EZH1: variants seen among roughly 807,000 people sequenced by gnomAD.
EZH1 encodes the protein histone-lysine N-methyltransferase EZH1.
Under a neutral mutation model 100.5 loss-of-function variants are expected in EZH1, and 33 were observed. The observed-to-expected ratio is 0.33, with a 90% CI of 0.25 to 0.44. The LOEUF (loss-of-function observed/expected upper bound fraction) is 0.44, where lower values mean the gene tolerates loss of function less well. Ranked by LOEUF, EZH1 falls within the 20% of genes least tolerant of loss-of-function variation. EZH1 has a pLI of 1.00. For synonymous variants in EZH1, 272 were observed against 313.8 expected, an observed-to-expected ratio of 0.87 and a Z score of 1.41; for missense variants, 475 against 928.4, an observed-to-expected ratio of 0.51 and a Z score of 6.35.
rs887673118 is a variant in EZH1 at position 42,738,528 on chromosome 17, T to A, written c.-103+6483A>T. The stretch of plus-strand genomic sequence containing the variant: ...GAGCCACCGTGCCCAGTCTATTTTT[T>A]TTATTTTTTTTTGAGATGGAGTCTC... On this transcript the variant is annotated intron_variant, in intron 1 of 20. Transcript: ENST00000428826. Among the ~76,000 whole-genome samples the A allele has an allele frequency of 5.1e-4, 65 of 126,388 alleles. No homozygotes were observed. The East Asian group carries it at 0.012, about 24-fold the overall frequency. The allele number at this position is 126,388 out of a possible 152,430, so 82.9% of individuals were successfully genotyped here. A position where few individuals can be genotyped will look rare whatever the true frequency, so the allele number is the denominator to read the frequency against.
At position 42,703,143 on chromosome 17, in the gene EZH1, T is replaced by TTTA. The variant is rs1247638572; in HGVS notation, c.2099-185_2099-183dup. ...CTGTTATTATGGCAGAAAAATTATC[T>TTTA]TTATTATTATTATAAGTGGGGTTTT... is the stretch of plus-strand genomic sequence containing the variant. On this transcript the variant is annotated intron_variant, in intron 19 of 20. Coordinates refer to ENST00000428826, the MANE Select transcript of EZH1 (RefSeq NM_001991.5). 3 of 582,520 alleles carry TTTA rather than the reference T, an allele frequency of 5.2e-6. No individual in the cohort carries two copies. The South Asian group carries it at 6.2e-5, about 12-fold the overall frequency. 36.1% of individuals were successfully genotyped at this position (582,520 alleles called of 1,614,324 possible).
intron 2 of EZH1, among the ~76,000 whole-genome samples, chr17:42,729,613 C>T (rs1400442505): frequency 6.6e-6 from 1 of 151,272 alleles, no homozygotes; most frequent in Non-Finnish European, 1.5e-5. Context: ...GTGGCTTGTG[C>T]CTGTAATCCC....
intron 15 of EZH1, among the ~76,000 whole-genome samples, chr17:42,707,311 A>G (rs2053377321): frequency 6.6e-6 from 1 of 151,548 alleles, no homozygotes; most frequent in Non-Finnish European, 1.5e-5. Flanking sequence ...CCCAGGCTGG[A>G]GTGCAGTGGC....
chr17:42,712,066 T>G (rs540133011), intron 12 of EZH1, among the ~76,000 whole-genome samples: 2 of 151,992 alleles, frequency 1.3e-5, no homozygotes, highest in South Asian at 4.2e-4. Context: ...CAGACAGAAA[T>G]GAGCATTCAG....
intron 4 of EZH1, 111 bp downstream of exon 4, chr17:42,727,524 T>G: frequency 3.0e-5 from 40 of 1,313,242 alleles, no homozygotes; most frequent in Non-Finnish European, 3.8e-5. Context: ...AATACTTGTG[T>G]GAGCCACCAT....
intron 10 of EZH1, 55 bp downstream of exon 10, chr17:42,717,921 G>A (rs1259393503): frequency 7.9e-6 from 12 of 1,518,544 alleles, no homozygotes; most frequent in Non-Finnish European, 1.1e-5. Flanking sequence ...ACTGGCTCAC[G>A]TGGCTTGTGT....
At chr17:42,731,998 C>G (rs1009953598) in intron 1 of EZH1, 2 of 151,912 alleles carry the variant, frequency 1.3e-5, no homozygotes, top group African/African-American at 4.8e-5. Context: ...TTAAAATTTC[C>G]TACACATTTA....
At chr17:42,730,423 A>G (rs2053916831) in intron 2 of EZH1, among the ~76,000 whole-genome samples, 1 of 151,778 alleles carries the variant, frequency 6.6e-6, no homozygotes, top group African/African-American at 2.4e-5. Context: ...GGAAATAGAT[A>G]GCAATGCAAA....
rs919915972 is a variant in EZH1 at position 42,712,472 on chromosome 17, G to A, written c.1218C>T (p.Arg406=). 1.2e-6 allele frequency: 2 copies of A among 1,613,412 alleles called. No homozygotes were observed. Among genetic ancestry groups the A allele is most frequent in the African/African-American group, 2.7e-5 (2 of 74,892 alleles). ...CCTTCTGTTTTGTGGGAGTCTGACA[G>A]CGAGAGTTAGCCTCTGAGAAGGGAA... is the stretch of plus-strand genomic sequence containing the variant. ...WASSSSEANS[R]CQTPTKQKAS... The change falls in exon 12 of 21, where the codon CGC becomes CGT. Residue 406 remains arginine (R), a synonymous_variant. Coordinates refer to ENST00000428826, the MANE Select transcript of EZH1 (RefSeq NM_001991.5).
At chr17:42,708,251 G>T in intron 14 of EZH1, 168 bp from the exon 15 acceptor site, 1 of 702,828 alleles carries the variant, frequency 1.4e-6, no homozygotes, top group Non-Finnish European at 2.3e-6. Flanking sequence ...TTCATAAGCT[G>T]CAGTGGGGTG....
At chr17:42,731,894 C>G (rs917381444) in intron 1 of EZH1, 1 of 152,378 alleles carries the variant, frequency 6.6e-6, no homozygotes, top group African/African-American at 2.4e-5. Context: ...GAGTGAGACT[C>G]TGCCTCAAAA....
intron 12 of EZH1, 61 bp downstream of exon 12, chr17:42,712,228 G>T: frequency 6.5e-7 from 1 of 1,548,964 alleles, no homozygotes; most frequent in South Asian, 1.2e-5. Context: ...GATGGCAAAG[G>T]GCTGGACAGA....
intron 1 of EZH1, among the ~76,000 whole-genome samples, chr17:42,741,375 C>T (rs1283182370): frequency 6.6e-6 from 1 of 152,110 alleles, no homozygotes; most frequent in Non-Finnish European, 1.5e-5. Context: ...GTGGGATGCC[C>T]ACGCCCAGCT....
At position 42,742,822 on chromosome 17, in the gene EZH1, T is replaced by C. The variant is rs79082954; in HGVS notation, c.-103+2189A>G. 6.0e-4 allele frequency among the ~76,000 whole-genome samples: 92 copies of C among 152,320 alleles called. No homozygotes were observed. The East Asian group carries it at 0.017, about 28-fold the overall frequency. ...GATAGCATTATTACAGTTTTATAGA[T>C]AGTCCTTTCTCCTATTATGTATGTG... On this transcript the variant is annotated intron_variant, in intron 1 of 20. Coordinates refer to ENST00000428826, the MANE Select transcript of EZH1 (RefSeq NM_001991.5).
intron 15 of EZH1, 56 bp downstream of exon 15, chr17:42,707,902 G>C: frequency 6.2e-7 from 1 of 1,609,690 alleles, no homozygotes; most frequent in Non-Finnish European, 8.5e-7. Flanking sequence ...GGCAAGCCTA[G>C]GGCACACTGG....
chr17:42,727,262 T>C (rs2053839547), intron 4 of EZH1, among the ~76,000 whole-genome samples: 1 of 152,286 alleles, frequency 6.6e-6, no homozygotes, highest in African/African-American at 2.4e-5. Flanking sequence ...CTTTCCTTTT[T>C]CTTTTTTGGA....
At chr17:42,728,759 C>A in intron 3 of EZH1, 66 bp downstream of exon 3, 5 of 1,477,440 alleles carry the variant, frequency 3.4e-6, no homozygotes, top group East Asian at 2.4e-5. Flanking sequence ...AAAAAAAATT[C>A]CAACCCCTTT....
chr17:42,727,911 G>C (rs2053854762), intron 3 of EZH1, 148 bp from the exon 4 acceptor site: 2 of 451,184 alleles, frequency 4.4e-6, no homozygotes, highest in Middle Eastern at 1.7e-3. Context: ...CCGCCTCCCG[G>C]GTTCAAGCGA....
At position 42,702,352 on chromosome 17, in the gene EZH1, C is replaced by T. The variant is rs1388409208; in HGVS notation, c.*180G>A. ...ACCAAGCCCTAGCTGCCTCTGTCTCCCCTCTCATTGAGACAGTTTTGTGCC... is the reference window on the plus strand; with the variant it reads ...ACCAAGCCCTAGCTGCCTCTGTCTCTCCTCTCATTGAGACAGTTTTGTGCC... On this transcript the variant is annotated 3_prime_UTR_variant, in exon 21 of 21. Transcript: ENST00000428826. 2 of 499,332 alleles carry T rather than the reference C, an allele frequency of 4.0e-6. No individual in the cohort carries two copies. Among genetic ancestry groups the T allele is most frequent in the Non-Finnish European group, 7.2e-6 (2 of 277,182 alleles). 30.9% of individuals were successfully genotyped at this position (499,332 alleles called of 1,614,324 possible). A position where few individuals can be genotyped will look rare whatever the true frequency, so the allele number is the denominator to read the frequency against.
Sources: gnomAD v4.1 joint callset for allele counts (sites outside exome capture counted in the v4.1 genomes callset) on GRCh38, gnomAD v4.1.1 for gene constraint, MANE v1.5 for transcripts, NCBI Gene and HGNC (gene_info 2026-07-23, HGNC 2026-07-21) for gene names.